GPRASP3: variants seen among roughly 807,000 people sequenced by gnomAD.
The protein encoded by GPRASP3 is G protein-coupled receptor associated sorting protein 3.
chrX:102,741,547 G>A, the GPRASP3 span, among the ~76,000 whole-genome samples: 2 of 111,921 alleles, frequency 1.8e-5, no homozygotes, highest in Non-Finnish European at 3.8e-5. Context: ...TAGTGCAATA[G>A]GTGTGGGCCA....
the GPRASP3 span, among the ~76,000 whole-genome samples, chrX:102,730,821 CA>C: frequency 0.036 from 3,603 of 100,005 alleles, 162 homozygotes; most frequent in African/African-American, 0.12. Context: ...TGCTTAGGAA[CA>C]AAAAAAAAAA....
chrX:102,737,327 G>A, the GPRASP3 span, among the ~76,000 whole-genome samples: 2 of 112,071 alleles, frequency 1.8e-5, no homozygotes, highest in Admixed American at 9.4e-5. Context: ...AACCTCACAG[G>A]TGAAACCAAT....
At chrX:102,731,886 A>T in the GPRASP3 span, among the ~76,000 whole-genome samples, 9 of 111,785 alleles carry the variant, frequency 8.1e-5, no homozygotes, top group African/African-American at 2.9e-4. Context: ...TCCCTTTTCC[A>T]GTGGAGTGCC....
At chrX:102,748,901 TC>T in the GPRASP3 span, 1 of 936,315 alleles carries the variant, frequency 1.1e-6, no homozygotes, top group Non-Finnish European at 1.5e-6. Flanking sequence ...ACCAAGTTTT[TC>T]CCCGACCCAG....
the GPRASP3 span, among the ~76,000 whole-genome samples, chrX:102,737,439 G>A: frequency 8.0e-5 from 9 of 112,188 alleles, 2 homozygotes; most frequent in African/African-American, 3.2e-5. Flanking sequence ...AGGTAGCTTC[G>A]ACAAAGGAAA....
the GPRASP3 span, among the ~76,000 whole-genome samples, chrX:102,734,108 G>A: frequency 1.8e-5 from 2 of 111,337 alleles, no homozygotes; most frequent in Non-Finnish European, 3.8e-5. Context: ...GTGGTGCAAT[G>A]TCATCAGTTA....
At chrX:102,733,219 G>A in the GPRASP3 span, among the ~76,000 whole-genome samples, 4 of 112,063 alleles carry the variant, frequency 3.6e-5, no homozygotes, top group African/African-American at 1.3e-4. Flanking sequence ...ACTTTGGGAG[G>A]CCAAGGCAGG....
the GPRASP3 span, among the ~76,000 whole-genome samples, chrX:102,745,101 C>G: frequency 9.0e-6 from 1 of 110,791 alleles, no homozygotes; most frequent in African/African-American, 3.3e-5. Context: ...GGATCTGCCT[C>G]GAGGAAGTGC....
chrX:102,745,270 C>A, the GPRASP3 span, among the ~76,000 whole-genome samples: 9 of 111,506 alleles, frequency 8.1e-5, no homozygotes, highest in African/African-American at 2.9e-4. Context: ...CAATGCCAAC[C>A]TGAGCCACCA....
chrX:102,735,652 C>T, the GPRASP3 span, among the ~76,000 whole-genome samples: 1 of 111,837 alleles, frequency 8.9e-6, no homozygotes, highest in African/African-American at 3.2e-5. Flanking sequence ...TTGTGATCCG[C>T]CTGCCTCGGC....
At chrX:102,734,207 G>C in the GPRASP3 span, among the ~76,000 whole-genome samples, 1 of 112,229 alleles carries the variant, frequency 8.9e-6, no homozygotes, top group Admixed American at 9.4e-5. Context: ...CAGGGGATAT[G>C]ATGGCTTAGC....
the GPRASP3 span, among the ~76,000 whole-genome samples, chrX:102,739,216 A>T: frequency 9.0e-6 from 1 of 111,514 alleles, no homozygotes; most frequent in Non-Finnish European, 1.9e-5. Flanking sequence ...GCCTTTAACC[A>T]GCCTATATCC....
the GPRASP3 span, among the ~76,000 whole-genome samples, chrX:102,729,696 C>A: frequency 1.6e-4 from 18 of 111,835 alleles, no homozygotes; most frequent in South Asian, 6.0e-3. Context: ...ATGGAGAAAC[C>A]CCATCTCTAC....
chrX:102,723,537 CTGTG>C, the GPRASP3 span, among the ~76,000 whole-genome samples: 2 of 111,972 alleles, frequency 1.8e-5, no homozygotes, highest in South Asian at 7.5e-4. Flanking sequence ...TCTCTTGTCT[CTGTG>C]TGTTTTTTCG....
At chrX:102,736,361 ACAT>A in the GPRASP3 span, among the ~76,000 whole-genome samples, 2 of 112,206 alleles carry the variant, frequency 1.8e-5, no homozygotes, top group South Asian at 7.5e-4. Context: ...TTTTATATAA[ACAT>A]CATCACACAC....
At chrX:102,748,823 A>G in the GPRASP3 span, 1,732 of 473,995 alleles carry the variant, frequency 3.7e-3, 29 homozygotes, top group African/African-American at 0.039. Context: ...TGTATCATTG[A>G]CAGAGGCTGT....
At chrX:102,749,953 A>G in the GPRASP3 span, 1 of 1,209,288 alleles carries the variant, frequency 8.3e-7, no homozygotes, top group Non-Finnish European at 1.1e-6. Flanking sequence ...GGAATGCTAT[A>G]TGGATTCTGA....
chrX:102,733,516 C>T, the GPRASP3 span, among the ~76,000 whole-genome samples: 1 of 108,191 alleles, frequency 9.2e-6, no homozygotes, highest in South Asian at 4.0e-4. Context: ...AATCAGGTAG[C>T]GAGAAAGGAA....
chrX:102,723,521 G>A, the GPRASP3 span, among the ~76,000 whole-genome samples: 28 of 111,992 alleles, frequency 2.5e-4, no homozygotes, highest in African/African-American at 8.8e-4. Context: ...TACTCAAGCT[G>A]TCTTGTCTCT....
Sources: gnomAD v4.1 joint callset for allele counts (sites outside exome capture counted in the v4.1 genomes callset) on GRCh38, gnomAD v4.1.1 for gene constraint, MANE v1.5 for transcripts, NCBI Gene and HGNC (gene_info 2026-07-23, HGNC 2026-07-21) for gene names.